STK32B: variants seen among roughly 807,000 people sequenced by gnomAD.
The protein encoded by STK32B is serine/threonine kinase 32B, also known as serine/threonine-protein kinase 32B.
STK32B carries 43 observed loss-of-function variants against 52.6 expected under a neutral mutation model. The ratio of observed to expected loss-of-function variants is 0.82; its 90% CI spans 0.64 to 1.05. STK32B has a LOEUF of 1.05. Among genes scored for constraint, STK32B ranks in the 50% least tolerant of loss-of-function variants. STK32B has a pLI of 0.00. For missense variants in STK32B, 621 were observed against 534.6 expected (o/e 1.16, Z -1.59); for synonymous variants, 238 against 204.3 (o/e 1.17, Z -1.41).
At chr4:5,063,095 C>G (rs1325191814) in intron 1 of STK32B, among the ~76,000 whole-genome samples, 1 of 152,068 alleles carries the variant, frequency 6.6e-6, no homozygotes, top group African/African-American at 2.4e-5. Context: ...ATCAGATTTC[C>G]TCTAGGATAT....
In STK32B at chr4:5,151,546, G is replaced by A. The variant is rs16836715; in HGVS notation, c.108+11586G>A. The stretch of plus-strand genomic sequence containing the variant: ...TCACTGTCATGCTGGAAGAAGTTGT[G>A]CCTCCTAGTGTAGCACCAAAGTAAA... On this transcript the variant is annotated intron_variant, in intron 2 of 11. Transcript: ENST00000282908. 9.3e-3 allele frequency among the ~76,000 whole-genome samples: 1,417 copies of A among 152,290 alleles called. 16 individuals carry two copies. The highest frequency in any genetic ancestry group is 0.033 in the African/African-American group (1,352 of 41,552).
chr4:5,288,727 A>C (rs1010818980), intron 3 of STK32B, among the ~76,000 whole-genome samples: 2 of 152,176 alleles, frequency 1.3e-5, no homozygotes, highest in Non-Finnish European at 2.9e-5. Context: ...TTGGAACACA[A>C]AAGTTTTTAA....
chr4:5,292,995 T>C lies in STK32B; in HGVS notation c.261-38225T>C, dbSNP rs146924061. 1.9e-3 allele frequency among the ~76,000 whole-genome samples: 282 copies of C among 152,166 alleles called. 1 individual carries two copies. Among genetic ancestry groups the C allele is most frequent in the African/African-American group, 6.4e-3 (266 of 41,540 alleles). On this transcript the variant is annotated intron_variant, in intron 3 of 11. Coordinates refer to ENST00000282908, the MANE Select transcript of STK32B (RefSeq NM_018401.3). The stretch of plus-strand genomic sequence containing the variant: ...TGTGATGTTCCCCTCCCTGTGTCCA[T>C]GTGTTCTCATTGTTCAGCTCCCACT...
chr4:5,293,311 G>A (rs181544240), intron 3 of STK32B, among the ~76,000 whole-genome samples: 59 of 152,118 alleles, frequency 3.9e-4, no homozygotes, highest in African/African-American at 1.3e-3. Context: ...ACCCAGTAAT[G>A]ACATTACTGG....
intron 3 of STK32B, among the ~76,000 whole-genome samples, chr4:5,172,117 G>T (rs191790365): frequency 1.3e-5 from 2 of 151,558 alleles, no homozygotes; most frequent in African/African-American, 4.8e-5. Context: ...TTTGTCTGTT[G>T]TTGGTGTATA....
chr4:5,436,402 A>G (rs3774840), intron 6 of STK32B, among the ~76,000 whole-genome samples: 20,022 of 152,154 alleles, frequency 0.13, 1,729 homozygotes, highest in East Asian at 0.4. Context: ...TTTAGAGCTG[A>G]AAGGACATGG....
chr4:5,422,685 G>A (rs967630504), intron 6 of STK32B, among the ~76,000 whole-genome samples: 20 of 152,128 alleles, frequency 1.3e-4, no homozygotes, highest in Admixed American at 1.3e-3. Context: ...TAGGCACTGG[G>A]GCTGCAGAGC....
intron 3 of STK32B, among the ~76,000 whole-genome samples, chr4:5,216,120 T>C (rs77468393): frequency 0.022 from 3,361 of 152,262 alleles, 130 homozygotes; most frequent in African/African-American, 0.076. Flanking sequence ...TGCATGAGAA[T>C]CACCTGGAAT....
intron 3 of STK32B, among the ~76,000 whole-genome samples, chr4:5,236,270 C>T (rs761110282): frequency 2.2e-4 from 34 of 152,170 alleles, no homozygotes; most frequent in African/African-American, 6.5e-4. Flanking sequence ...CACTCAGATA[C>T]GTAAAGACCT....
At chr4:5,195,462 G>A (rs1050873049) in intron 3 of STK32B, among the ~76,000 whole-genome samples, 1 of 152,186 alleles carries the variant, frequency 6.6e-6, no homozygotes, top group African/African-American at 2.4e-5. Context: ...GGAGGCCAAG[G>A]CAGGCAGATC....
intron 3 of STK32B, among the ~76,000 whole-genome samples, chr4:5,200,836 C>T (rs1333986439): frequency 8.5e-5 from 13 of 152,116 alleles, no homozygotes; most frequent in Admixed American, 2.0e-4. Flanking sequence ...CCCCATTCCT[C>T]AGGTTTCCAT....
upstream of STK32B, among the ~76,000 whole-genome samples, chr4:5,048,905 TATGG>T (rs1741667050): frequency 2.0e-5 from 3 of 152,196 alleles, no homozygotes; most frequent in African/African-American, 7.2e-5. Context: ...GCACATTCTC[TATGG>T]ATGGGGAGCA....
In STK32B at chr4:5,311,387, A is replaced by T. The variant is rs1382081595; in HGVS notation, c.261-19833A>T. Among the ~76,000 whole-genome samples, 4 of 152,316 alleles carry T rather than the reference A, an allele frequency of 2.6e-5. No homozygotes were observed. In the East Asian group the frequency reaches 7.7e-4, roughly 29 times the overall value. Reference sequence around the variant, plus strand: ...GGGTCAATTAAACATAATAAAAATTAAAAAGAGCAAAATAAACCCAAGGCA... The same window carrying T: ...GGGTCAATTAAACATAATAAAAATTTAAAAGAGCAAAATAAACCCAAGGCA... On this transcript the variant is annotated intron_variant, in intron 3 of 11. Coordinates refer to ENST00000282908, the MANE Select transcript of STK32B (RefSeq NM_018401.3).
intron 11 of STK32B, among the ~76,000 whole-genome samples, chr4:5,480,126 T>G (rs6833868): frequency 0.046 from 7,018 of 152,306 alleles, 523 homozygotes; most frequent in African/African-American, 0.16. Flanking sequence ...TATTAATTAT[T>G]TACAAAATTA....
chr4:5,440,400 CTGTT>C (rs1370783992), intron 6 of STK32B, among the ~76,000 whole-genome samples: 8 of 152,068 alleles, frequency 5.3e-5, no homozygotes, highest in Admixed American at 1.3e-4. Flanking sequence ...ATTTGGCACT[CTGTT>C]TGTCTGTTGT....
In STK32B at chr4:5,469,049, TC is replaced by T. The variant is rs1717657195; in HGVS notation, c.1106+980del. Among the ~76,000 whole-genome samples, 1 of 91,648 alleles carries T rather than the reference TC, an allele frequency of 1.1e-5. No individual in the cohort carries two copies. The highest frequency in any genetic ancestry group is 5.1e-5 in the African/African-American group (1 of 19,668). 60.1% of individuals were successfully genotyped at this position (91,648 alleles called of 152,430 possible). A position where few individuals can be genotyped will look rare whatever the true frequency, so the allele number is the denominator to read the frequency against. ...CTGGGCGACAGAGCAAGACTCCGTC[TC>T]AAAAAAAAAAAAAAAAATTATCTAG... On this transcript the variant is annotated intron_variant, in intron 11 of 11. Coordinates refer to ENST00000282908, the MANE Select transcript of STK32B (RefSeq NM_018401.3). This position sits in a 1 kb window ranked among gnomAD's most constrained non-coding sequence, Gnocchi z 4.7.
At chr4:5,197,133 TGAA>T (rs1721742509) in intron 3 of STK32B, among the ~76,000 whole-genome samples, 1 of 152,110 alleles carries the variant, frequency 6.6e-6, no homozygotes, top group Admixed American at 6.5e-5. Flanking sequence ...GACAAATGAA[TGAA>T]GAAGGACAAT....
intron 3 of STK32B, among the ~76,000 whole-genome samples, chr4:5,188,777 T>C (rs1176341679): frequency 1.5e-5 from 2 of 132,664 alleles, no homozygotes; most frequent in African/African-American, 6.9e-5. Flanking sequence ...AACTGCCATC[T>C]TTTTTTTTTT....
intron 11 of STK32B, among the ~76,000 whole-genome samples, chr4:5,481,296 C>T (rs1276595014): frequency 1.3e-5 from 2 of 152,152 alleles, no homozygotes; most frequent in African/African-American, 2.4e-5. Context: ...GAGATGGTAT[C>T]TCATTGTGGT....
Sources: allele counts gnomAD v4.1 joint callset (sites outside exome capture counted in the v4.1 genomes callset), GRCh38; gene constraint gnomAD v4.1.1; non-coding constraint Gnocchi (gnomAD v3.1); transcripts MANE v1.5; gene names NCBI Gene and HGNC (gene_info 2026-07-23, HGNC 2026-07-21).